The following RNF212B variants were observed in gnomAD, a reference collection of about 807,000 sequenced individuals.
RNF212B encodes ring finger protein 212B.
A neutral mutation model predicts 55.5 loss-of-function variants in RNF212B; 52 were observed. The observed-to-expected ratio is 0.94, with a 90% CI of 0.75 to 1.18. RNF212B has a LOEUF of 1.18. Ranked by LOEUF, RNF212B falls within the 50% of genes most tolerant of loss-of-function variation. RNF212B has a pLI of 0.00. For missense variants in RNF212B, 289 were observed against 350.4 expected, an observed-to-expected ratio of 0.82 and a Z score of 1.40; for synonymous variants, 99 against 121.4, an observed-to-expected ratio of 0.82 and a Z score of 1.21.
At chr14:23,209,225 C>T (rs1267483435) in intron 2 of RNF212B, among the ~76,000 whole-genome samples, 2 of 152,180 alleles carry the variant, frequency 1.3e-5, no homozygotes, top group Admixed American at 6.5e-5. Flanking sequence ...CCAGAGGTCA[C>T]TCTCGTAGCC....
At chr14:23,271,501 G>GT (rs11299802) in intron 14 of RNF212B, among the ~76,000 whole-genome samples, 323 of 150,610 alleles carry the variant, frequency 2.1e-3, no homozygotes, top group African/African-American at 3.8e-3. Context: ...TTTTTTGTTT[G>GT]TTTTTTTTAA....
At chr14:23,193,091 TAA>T (rs3045528) in intron 1 of RNF212B, among the ~76,000 whole-genome samples, 2 of 113,104 alleles carry the variant, frequency 1.8e-5, no homozygotes, top group Non-Finnish European at 3.6e-5. Flanking sequence ...AAACTCTGTC[TAA>T]AAAAAAAAAA....
At chr14:23,200,200 A>T (rs576210543) in intron 2 of RNF212B, among the ~76,000 whole-genome samples, 1 of 152,278 alleles carries the variant, frequency 6.6e-6, no homozygotes, top group Admixed American at 6.5e-5. Context: ...TATTTTTTAC[A>T]TAGGCTTTTA....
chr14:23,264,301 C>G (rs552744086), intron 10 of RNF212B, 67 bp downstream of exon 10: 10 of 1,284,376 alleles, frequency 7.8e-6, no homozygotes, highest in Non-Finnish European at 1.1e-5. Context: ...AAAGGTTTAT[C>G]AAGAACTTAA....
chr14:23,211,275 C>G (rs147845323), intron 2 of RNF212B, among the ~76,000 whole-genome samples: 1 of 150,838 alleles, frequency 6.6e-6, no homozygotes, highest in East Asian at 1.9e-4. Flanking sequence ...AATGGACGAA[C>G]TCCTTGAAAG....
intron 2 of RNF212B, among the ~76,000 whole-genome samples, chr14:23,208,185 C>G (rs1027268709): frequency 1.3e-5 from 2 of 152,080 alleles, no homozygotes; most frequent in African/African-American, 4.8e-5. Flanking sequence ...GCTTTTAGAG[C>G]TGGGTCAAGG....
chr14:23,213,176 G>A (rs6573047), intron 2 of RNF212B, among the ~76,000 whole-genome samples: 12,365 of 151,774 alleles, frequency 0.081, 1,291 homozygotes, highest in African/African-American at 0.25. Context: ...AGCCGGGCGT[G>A]GTGGCAGGCG....
At chr14:23,197,356 GTC>G (rs1417213702) in intron 2 of RNF212B, among the ~76,000 whole-genome samples, 1 of 152,054 alleles carries the variant, frequency 6.6e-6, no homozygotes, top group Non-Finnish European at 1.5e-5. Context: ...GTGAAACCCT[GTC>G]TCTACTAAAA....
At chr14:23,203,759 TG>T (rs1309108047) in intron 2 of RNF212B, among the ~76,000 whole-genome samples, 4 of 152,210 alleles carry the variant, frequency 2.6e-5, no homozygotes, top group Non-Finnish European at 5.9e-5. Context: ...ATTACAGGCA[TG>T]AGCCACCATG....
Position 23,216,503 on chromosome 14 carries a change from G to A in RNF212B, c.-2+23102G>A, listed in dbSNP as rs910771185. 2.7e-5 allele frequency among the ~76,000 whole-genome samples: 4 copies of A among 150,820 alleles called. No individual in the cohort carries two copies. The South Asian group carries it at 6.3e-4, about 24-fold the overall frequency. On this transcript the variant is annotated intron_variant, in intron 2 of 15. Transcript: ENST00000399910. ...CTGTATCAATCAAAAGATAGACGTC[G>A]ACAGAACAGATTAAAAAACAAACAT...
intron 2 of RNF212B, among the ~76,000 whole-genome samples, chr14:23,229,658 G>A (rs1373560996): frequency 6.6e-6 from 1 of 152,090 alleles, no homozygotes; most frequent in Non-Finnish European, 1.5e-5. Flanking sequence ...ATCTTTTCAT[G>A]TGTCTGCTGG....
In RNF212B at chr14:23,218,228, C is replaced by T. The variant is rs578121725; in HGVS notation, c.-1-22117C>T. On this transcript the variant is annotated intron_variant, in intron 2 of 15. Transcript: ENST00000399910. ...CTAAAAATACAAAAAATTAGCCGGGCGTGGTGGCACACACCTGTAGTCCCA... is the reference window on the plus strand; with the variant it reads ...CTAAAAATACAAAAAATTAGCCGGGTGTGGTGGCACACACCTGTAGTCCCA... Among the ~76,000 whole-genome samples the T allele has an allele frequency of 2.2e-4, 33 of 151,668 alleles. No individual in the cohort carries two copies. The East Asian group carries it at 6.4e-3, about 30-fold the overall frequency.
At chr14:23,200,177 C>A (rs1300044685) in intron 2 of RNF212B, among the ~76,000 whole-genome samples, 4 of 151,934 alleles carry the variant, frequency 2.6e-5, no homozygotes, top group Non-Finnish European at 5.9e-5. Context: ...GTATACAGTT[C>A]AGCAAAAATA....
At chr14:23,239,620 T>C (rs1211026821) in intron 1 of RNF212B, among the ~76,000 whole-genome samples, 4 of 152,068 alleles carry the variant, frequency 2.6e-5, no homozygotes, top group Non-Finnish European at 5.9e-5. Context: ...TTTTTCTTTT[T>C]CTTTTTCTTT....
chr14:23,267,837 T>C (rs1351564141), intron 11 of RNF212B, among the ~76,000 whole-genome samples: 1 of 152,240 alleles, frequency 6.6e-6, no homozygotes, highest in Non-Finnish European at 1.5e-5. Flanking sequence ...TTTCAACCTA[T>C]ATGCATCTTT....
intron 4 of RNF212B, among the ~76,000 whole-genome samples, chr14:23,252,170 A>T (rs1188470713): frequency 6.6e-6 from 1 of 152,022 alleles, no homozygotes; most frequent in African/African-American, 2.4e-5. Context: ...CCCCATTTTG[A>T]TGCTACCTAG....
chr14:23,258,720 G>A (rs568667505), intron 5 of RNF212B, 56 bp downstream of exon 5: 6 of 767,522 alleles, frequency 7.8e-6, no homozygotes, highest in South Asian at 2.0e-5. Context: ...TTTCTAAGAA[G>A]TGACAGTCCT....
chr14:23,270,659 C>T lies in RNF212B; in HGVS notation c.832C>T (p.Gln278Ter), dbSNP rs1328897021. The change falls in exon 14 of 15, where the codon CAG becomes TAG. Residue 278 changes from glutamine to a stop codon, truncating the protein, a stop_gained and splice_region_variant. Transcript: ENST00000430154. LOFTEE classifies it high-confidence loss of function. ...SLPSFQLPVLQTLYQQRRHMG... is the reference protein window; with the variant it reads ...SLPSFQLPVL ...TCCTAGTTTCCAGCTACCAGTCCTG[C>T]AGGTGAGACCTGGCTAGTCTAACTT... The T allele has an allele frequency of 6.5e-6, 10 of 1,546,270 alleles. No homozygotes were observed. In the African/African-American group the frequency reaches 1.2e-4, roughly 19 times the overall value.
intron 2 of RNF212B, among the ~76,000 whole-genome samples, chr14:23,197,776 CTTCTT>C (rs2140363680): frequency 8.1e-6 from 1 of 123,080 alleles, no homozygotes; most frequent in East Asian, 2.5e-4. Flanking sequence ...TATGTCTTGT[CTTCTT>C]TTTTTTTTTT....
Sources: allele counts gnomAD v4.1 joint callset (sites outside exome capture counted in the v4.1 genomes callset), GRCh38; gene constraint gnomAD v4.1.1; transcripts MANE v1.5; gene names NCBI Gene and HGNC (gene_info 2026-07-23, HGNC 2026-07-21).